The following RYR2 variants were observed in gnomAD, a reference collection of about 807,000 sequenced individuals.
The protein encoded by RYR2 is cardiac muscle ryanodine receptor-calcium release channel.
Under a neutral mutation model 601.1 loss-of-function variants are expected in RYR2, and 227 were observed. The observed-to-expected ratio is 0.38, with a 90% CI of 0.34 to 0.42. RYR2 has a LOEUF of 0.42. Ranked by LOEUF, RYR2 falls within the 10% of genes least tolerant of loss-of-function variation. The pLI is 1.00. For missense variants in RYR2, 4,646 were observed against 6,156.5 expected (o/e 0.75, Z 8.21); for synonymous variants, 2,223 against 2,175.1 (o/e 1.02, Z -0.61).
Position 237,674,813 on chromosome 1 carries a change from G to A in RYR2, c.8797G>A (p.Val2933Met). The A allele has an allele frequency of 3.1e-6, 5 of 1,611,036 alleles. No homozygotes were observed. Among genetic ancestry groups the A allele is most frequent in the Non-Finnish European group, 4.2e-6 (5 of 1,177,644 alleles). Residue 2933 changes from valine to methionine, a missense_variant, in exon 60 of 105, where the codon GTG (valine) becomes ATG (methionine). Around this residue, in one of 17 missense-constraint regions of RYR2, gnomAD observed 1,497 missense variants for 1,842.6 expected, o/e 0.81. Coordinates refer to ENST00000366574, the MANE Select transcript of RYR2 (RefSeq NM_001035.3). ...YSFLQQLIRY[V>M]DEAHQYILEF... ...TTTCCTCCAACAACTCATTCGCTAT[G>A]TGGATGAAGCCCATCAGTATATCCT...
At chr1:237,556,904 A>C (rs1214111891) in intron 27 of RYR2, among the ~76,000 whole-genome samples, 1 of 112,646 alleles carries the variant, frequency 8.9e-6, no homozygotes. Flanking sequence ...AAAAAAAAAA[A>C]AAAAACCCTC....
At chr1:237,269,042 CTTTT>C (rs200563683) in intron 1 of RYR2, among the ~76,000 whole-genome samples, 1 of 113,218 alleles carries the variant, frequency 8.8e-6, no homozygotes, top group African/African-American at 3.7e-5. Flanking sequence ...ATAGCATATT[CTTTT>C]TTTTTTTTTT....
At chr1:237,733,509 G>A (rs138743731) in intron 78 of RYR2, among the ~76,000 whole-genome samples, 196 bp from the exon 79 acceptor site, 28 of 152,290 alleles carry the variant, frequency 1.8e-4, no homozygotes, top group Middle Eastern at 3.4e-3. Context: ...CAGCTATTTA[G>A]GATCCCCGGG....
intron 2 of RYR2, among the ~76,000 whole-genome samples, chr1:237,270,962 C>T (rs1274755270): frequency 2.6e-5 from 4 of 152,128 alleles, no homozygotes; most frequent in African/African-American, 7.2e-5. Flanking sequence ...GTCTTAGGCT[C>T]ATTGTATTTT....
At chr1:237,244,777 C>T (rs1233797082) in intron 1 of RYR2, among the ~76,000 whole-genome samples, 1 of 149,700 alleles carries the variant, frequency 6.7e-6, no homozygotes, top group Non-Finnish European at 1.5e-5. Flanking sequence ...TTTCTTGGCG[C>T]GAGACAATGA....
chr1:237,602,279 CAA>C (rs1286786641), intron 35 of RYR2, among the ~76,000 whole-genome samples, 168 bp downstream of exon 35: 2 of 151,244 alleles, frequency 1.3e-5, no homozygotes, highest in Non-Finnish European at 2.9e-5. Flanking sequence ...ACAAGGGTAA[CAA>C]AATAATTAAA....
intron 104 of RYR2, among the ~76,000 whole-genome samples, chr1:237,831,982 T>C (rs1394942639): frequency 6.6e-6 from 1 of 152,278 alleles, no homozygotes; most frequent in Non-Finnish European, 1.5e-5. Context: ...TTGTTAGTAG[T>C]TTGAATTTGA....
At chr1:237,300,082 T>C (rs1217916420) in intron 2 of RYR2, among the ~76,000 whole-genome samples, 1 of 152,182 alleles carries the variant, frequency 6.6e-6, no homozygotes, top group African/African-American at 2.4e-5. Context: ...GAGTTTTCAC[T>C]CACTTTTTGT....
intron 6 of RYR2, among the ~76,000 whole-genome samples, chr1:237,374,203 A>G (rs974423666): frequency 1.3e-5 from 2 of 152,164 alleles, no homozygotes; most frequent in African/African-American, 4.8e-5. Flanking sequence ...ACAGGTCAGA[A>G]TAAGACTCTG....
intron 97 of RYR2, among the ~76,000 whole-genome samples, chr1:237,798,797 CACACAT>C (rs1183420772): frequency 1.7e-5 from 2 of 120,620 alleles, no homozygotes; most frequent in Admixed American, 1.9e-4. Flanking sequence ...CACACACACA[CACACAT>C]ATAGTGTGAG....
rs1408005970 is a variant in RYR2 at position 237,180,019 on chromosome 1, A to C, written c.49-90478A>C. ...CTGATCAAATTTCGGGTCTTGACAC[A>C]GCAAGTGATAAAGCTTTGACCCCTG... On this transcript the variant is annotated intron_variant, in intron 1 of 104. Coordinates refer to ENST00000366574, the MANE Select transcript of RYR2 (RefSeq NM_001035.3). The surrounding 1 kb of genome is among the most constrained non-coding windows in gnomAD (Gnocchi z 5.3). Among the ~76,000 whole-genome samples, 1 of 152,110 alleles carries C rather than the reference A, an allele frequency of 6.6e-6. No individual in the cohort carries two copies. Among genetic ancestry groups the C allele is most frequent in the Non-Finnish European group, 1.5e-5 (1 of 68,036 alleles).
chr1:237,437,043 T>A (rs546817717), intron 12 of RYR2, among the ~76,000 whole-genome samples: 2 of 151,566 alleles, frequency 1.3e-5, no homozygotes, highest in East Asian at 1.9e-4. Flanking sequence ...ATTTATTTTT[T>A]ATTTTTATTT....
intron 6 of RYR2, among the ~76,000 whole-genome samples, chr1:237,371,295 A>G (rs1700622952): frequency 6.6e-6 from 1 of 152,100 alleles, no homozygotes; most frequent in African/African-American, 2.4e-5. Context: ...AGCTAGGACT[A>G]CAGGTGTGTG....
intron 76 of RYR2, among the ~76,000 whole-genome samples, chr1:237,727,694 T>C (rs1026743486): frequency 6.6e-6 from 1 of 152,160 alleles, no homozygotes; most frequent in Admixed American, 6.6e-5. Context: ...TATGTCATGA[T>C]AAATGTTAGT....
intron 2 of RYR2, among the ~76,000 whole-genome samples, chr1:237,290,203 T>A (rs566881720): frequency 6.6e-6 from 1 of 152,274 alleles, no homozygotes; most frequent in South Asian, 2.1e-4. Context: ...TATTAATCTG[T>A]GCAACAACAT....
intron 1 of RYR2, among the ~76,000 whole-genome samples, chr1:237,109,169 C>T (rs373962065): frequency 1.3e-5 from 2 of 151,268 alleles, no homozygotes; most frequent in African/African-American, 4.9e-5. Context: ...ATATAAAATA[C>T]ATATATACAT....
At chr1:237,775,113 T>A (rs1694564250) in intron 87 of RYR2, among the ~76,000 whole-genome samples, 1 of 149,616 alleles carries the variant, frequency 6.7e-6, no homozygotes, top group South Asian at 2.1e-4. Flanking sequence ...AACAAGTAAC[T>A]TCTCTTATTA....
Position 237,733,708 on chromosome 1 carries a change from A to T in RYR2, c.11043A>T (p.Lys3681Asn). 6.2e-7 allele frequency: 1 copy of T among 1,608,838 alleles called. No individual in the cohort carries two copies. Among genetic ancestry groups the T allele is most frequent in the South Asian group, 1.1e-5 (1 of 90,926 alleles). ...FSRTALTEKC[K>N]LEEDFLYMAY... ...GTTTTCTTCTTGCTTTCCCCAGCAAACTGGAGGAAGATTTTTTATATATGG... is the reference window on the plus strand; with the variant it reads ...GTTTTCTTCTTGCTTTCCCCAGCAATCTGGAGGAAGATTTTTTATATATGG... Residue 3681 changes from lysine (K) to asparagine (N), a missense_variant, in exon 79 of 105, where the codon AAA becomes AAT. Coordinates refer to ENST00000366574, the MANE Select transcript of RYR2 (RefSeq NM_001035.3).
chr1:237,569,671 A>T (rs1672460631), intron 29 of RYR2, among the ~76,000 whole-genome samples: 1 of 152,178 alleles, frequency 6.6e-6, no homozygotes, highest in South Asian at 2.1e-4. Flanking sequence ...TATTCATCTC[A>T]TAAAAGTGAA....
Sources: gnomAD v4.1 joint callset for allele counts (sites outside exome capture counted in the v4.1 genomes callset) on GRCh38, gnomAD v4.1.1 for gene constraint, gnomAD v4.1.1 regional missense constraint, Gnocchi (gnomAD v3.1) non-coding constraint, MANE v1.5 for transcripts, NCBI Gene and HGNC (gene_info 2026-07-23, HGNC 2026-07-21) for gene names.